Variants in RBFOX3 observed in about 807,000 individuals in gnomAD.
RBFOX3 encodes RNA binding fox-1 homolog 3.
A neutral mutation model predicts 48.7 loss-of-function variants in RBFOX3; 17 were observed. The ratio of observed to expected loss-of-function variants is 0.35; its 90% CI spans 0.24 to 0.52. The LOEUF (loss-of-function observed/expected upper bound fraction) is 0.52. RBFOX3 is among the 20% of genes least tolerant of loss of function. RBFOX3 has a pLI of 0.94. For synonymous variants in RBFOX3, 212 were observed against 209.5 expected, an observed-to-expected ratio of 1.01 and a Z score of -0.10; for missense variants, 382 against 497.5, an observed-to-expected ratio of 0.77 and a Z score of 2.21.
chr17:79,646,093 A>G, the RBFOX3 span, among the ~76,000 whole-genome samples: 2 of 151,662 alleles, frequency 1.3e-5, no homozygotes, highest in African/African-American at 4.9e-5. Context: ...GGGATCTTGT[A>G]TCTCACCCCC....
chr17:79,265,293 G>C (rs953970240), intron 3 of RBFOX3, among the ~76,000 whole-genome samples: 6 of 152,204 alleles, frequency 3.9e-5, no homozygotes, highest in Admixed American at 3.9e-4. Context: ...GCCCTGGGGG[G>C]CCACAATTAT....
At chr17:79,287,775 C>T (rs1567980746) in intron 3 of RBFOX3, among the ~76,000 whole-genome samples, 2 of 152,300 alleles carry the variant, frequency 1.3e-5, no homozygotes, top group South Asian at 2.1e-4. Context: ...GGTTGGGCTC[C>T]CCGGTCTCAG....
chr17:79,625,457 A>G, the RBFOX3 span, among the ~76,000 whole-genome samples: 3 of 152,184 alleles, frequency 2.0e-5, no homozygotes, highest in East Asian at 5.8e-4. Context: ...TCAAGGCACT[A>G]TCAACATTTG....
intron 1 of RBFOX3, among the ~76,000 whole-genome samples, chr17:79,553,713 GTTTT>G (rs1181780039): frequency 2.0e-5 from 3 of 151,850 alleles, no homozygotes; most frequent in South Asian, 4.1e-4. Context: ...TTTTCTTGGG[GTTTT>G]TTTGTTTGTT....
chr17:79,107,450 A>AG (rs2077598034), intron 5 of RBFOX3, among the ~76,000 whole-genome samples: 1 of 152,216 alleles, frequency 6.6e-6, no homozygotes, highest in East Asian at 1.9e-4. Context: ...GGGTCTCAGG[A>AG]AACAAAAGCC....
intron 4 of RBFOX3, among the ~76,000 whole-genome samples, chr17:79,172,712 T>C (rs1205087657): frequency 6.6e-6 from 1 of 152,198 alleles, no homozygotes; most frequent in Non-Finnish European, 1.5e-5. Flanking sequence ...CTATGGGTCC[T>C]GGAAACGTGG....
intron 1 of RBFOX3, among the ~76,000 whole-genome samples, chr17:79,534,864 C>T (rs982493053): frequency 3.9e-5 from 6 of 152,280 alleles, no homozygotes; most frequent in East Asian, 1.9e-4. Context: ...AGAGGGAGAT[C>T]GTCGCCCCCT....
At chr17:79,315,830 G>A (rs770635228) in intron 2 of RBFOX3, among the ~76,000 whole-genome samples, 3 of 152,206 alleles carry the variant, frequency 2.0e-5, no homozygotes, top group African/African-American at 4.8e-5. Flanking sequence ...ATGGCGCGCC[G>A]AGGGGATTCT....
intron 3 of RBFOX3, among the ~76,000 whole-genome samples, chr17:79,237,872 G>A (rs1375903367): frequency 2.0e-5 from 3 of 152,248 alleles, no homozygotes; most frequent in Non-Finnish European, 4.4e-5. Context: ...GCCAGTGAGA[G>A]TCACTTCGAA....
chr17:79,450,809 T>G (rs1555741180), intron 2 of RBFOX3, among the ~76,000 whole-genome samples: 1 of 152,172 alleles, frequency 6.6e-6, no homozygotes, highest in African/African-American at 2.4e-5. Context: ...AATAGCACTG[T>G]GCAAGGTGCT....
intron 3 of RBFOX3, among the ~76,000 whole-genome samples, chr17:79,250,520 C>T (rs779625271): frequency 2.6e-4 from 39 of 152,172 alleles, no homozygotes; most frequent in South Asian, 6.2e-4. Context: ...GATCACTCGG[C>T]GTGGGCAGGA....
At chr17:79,415,600 G>A (rs1477106092) in intron 2 of RBFOX3, among the ~76,000 whole-genome samples, 1 of 152,220 alleles carries the variant, frequency 6.6e-6, no homozygotes, top group African/African-American at 2.4e-5. Flanking sequence ...GGCTCCTGGG[G>A]CCACCAGGGC....
intron 4 of RBFOX3, among the ~76,000 whole-genome samples, chr17:79,145,897 T>G (rs2042939911): frequency 2.0e-5 from 3 of 152,092 alleles, no homozygotes; most frequent in Non-Finnish European, 4.4e-5. Context: ...TGGAAGACAA[T>G]TTTTCCAAAG....
chr17:79,375,463 G>C (rs9675149), intron 2 of RBFOX3, among the ~76,000 whole-genome samples: 1 of 151,970 alleles, frequency 6.6e-6, no homozygotes, highest in Non-Finnish European at 1.5e-5. Context: ...GGTAATCAGG[G>C]ATAACATACT....
intron 2 of RBFOX3, among the ~76,000 whole-genome samples, chr17:79,460,019 G>T (rs2075164674): frequency 6.6e-6 from 1 of 152,092 alleles, no homozygotes; most frequent in Non-Finnish European, 1.5e-5. Context: ...AGAAGGGCAG[G>T]TTTCACTCCA....
In RBFOX3 at chr17:79,212,416, G is replaced by A. The variant is rs1488590805; in HGVS notation, c.-34+23350C>T. ...TCCCTCCTGCAGCCGGGCTCCTGGC[G>A]CTGCCCGTTCCCAATTTCTCCTTCC... On this transcript the variant is annotated intron_variant, in intron 4 of 14. Coordinates refer to ENST00000693108, the MANE Select transcript of RBFOX3 (RefSeq NM_001350451.2). This position sits in a 1 kb window ranked among gnomAD's most constrained non-coding sequence, Gnocchi z 4.7. 1.3e-5 allele frequency among the ~76,000 whole-genome samples: 2 copies of A among 152,082 alleles called. No individual in the cohort carries two copies. Among genetic ancestry groups the A allele is most frequent in the Non-Finnish European group, 2.9e-5 (2 of 67,958 alleles).
At chr17:79,131,997 T>A (rs2039027928) in intron 4 of RBFOX3, among the ~76,000 whole-genome samples, 1 of 152,170 alleles carries the variant, frequency 6.6e-6, no homozygotes, top group South Asian at 2.1e-4. Flanking sequence ...CCATAAATCC[T>A]CTTCTCCCAC....
chr17:79,251,708 G>A (rs769985677), intron 3 of RBFOX3, among the ~76,000 whole-genome samples: 1 of 152,164 alleles, frequency 6.6e-6, no homozygotes, highest in East Asian at 1.9e-4. Flanking sequence ...GTGGCCAGAC[G>A]AGTCGGCTGC....
chr17:79,438,101 G>GGT (rs1555732280), intron 2 of RBFOX3, among the ~76,000 whole-genome samples: 3 of 21,340 alleles, frequency 1.4e-4, no homozygotes, highest in Non-Finnish European at 3.9e-4. Flanking sequence ...CAGGTGCACA[G>GGT]GCGCACACAC....
Sources: allele counts gnomAD v4.1 joint callset (sites outside exome capture counted in the v4.1 genomes callset), GRCh38; gene constraint gnomAD v4.1.1; non-coding constraint Gnocchi (gnomAD v3.1); transcripts MANE v1.5; gene names NCBI Gene and HGNC (gene_info 2026-07-23, HGNC 2026-07-21).